Variants in TMEM237 observed in about 807,000 individuals in gnomAD.
TMEM237 encodes the protein amyotrophic lateral sclerosis 2 (juvenile) chromosome region, candidate 4.
In TMEM237, 51 loss-of-function variants were observed where a neutral mutation model predicts 59.1. The ratio of observed to expected loss-of-function variants is 0.86; its 90% CI spans 0.69 to 1.09. The LOEUF is 1.09. Ranked by LOEUF, TMEM237 falls within the 50% of genes least tolerant of loss-of-function variation. The probability of loss-of-function intolerance (pLI) is 0.00; values close to 1 mark genes in which losing one functional copy is unlikely to be tolerated. For missense variants in TMEM237, 475 were observed against 478.3 expected (o/e 0.99, Z 0.06); for synonymous variants, 140 against 166.1 (o/e 0.84, Z 1.21).
intron 9 of TMEM237, 35 bp from the exon 10 acceptor site, chr2:201,628,184 T>C (rs373819713): frequency 2.7e-6 from 4 of 1,457,454 alleles, no homozygotes; most frequent in Admixed American, 3.8e-5. Context: ...CACAGCGCAG[T>C]TGTAAACTTA....
At position 201,632,207 on chromosome 2, in the gene TMEM237, T is replaced by C; in HGVS notation, c.397A>G (p.Lys133Glu). Residue 133 changes from lysine to glutamate, a missense_variant and splice_region_variant, in exon 7 of 13, where the codon AAA becomes GAA. Lys to Glu is a moderately conservative substitution (Grantham distance 56, BLOSUM62 1). Coordinates refer to ENST00000409883, the MANE Select transcript of TMEM237 (RefSeq NM_001044385.3). ...TACTGTAATTCTGCTGGCTGGGTTT[T>C]CCTGTAATAAGGACGTATGTATGAA... ...VIQKPRRKTKKTQPAELQYAN... is the reference protein window; with the variant it reads ...VIQKPRRKTKETQPAELQYAN... 1 of 1,613,740 alleles carries C rather than the reference T, an allele frequency of 6.2e-7. No homozygotes were observed. Among genetic ancestry groups the C allele is most frequent in the African/African-American group, 1.3e-5 (1 of 75,034 alleles).
intron 7 of TMEM237, among the ~76,000 whole-genome samples, chr2:201,630,111 A>T (rs1957795911): frequency 6.6e-6 from 1 of 152,142 alleles, no homozygotes; most frequent in African/African-American, 2.4e-5. Context: ...CAATTTCAGA[A>T]ATCAATTATA....
chr2:201,624,457 T>C lies in TMEM237; in HGVS notation c.1160-135A>G, dbSNP rs376799641. The C allele has an allele frequency of 7.7e-4, 371 of 481,728 alleles. 4 individuals are homozygous for C. Among genetic ancestry groups the C allele is most frequent in the African/African-American group, 6.3e-3 (320 of 50,606 alleles). 29.8% of individuals were successfully genotyped at this position (481,728 alleles called of 1,614,324 possible). A position where few individuals can be genotyped will look rare whatever the true frequency, so the allele number is the denominator to read the frequency against. ...TAATAGAAAGCCCTCAAGTAAGATTTCTTGACAGTGAAATATGATTTAAAA... is the reference window on the plus strand; with the variant it reads ...TAATAGAAAGCCCTCAAGTAAGATTCCTTGACAGTGAAATATGATTTAAAA... On this transcript the variant is annotated intron_variant, in intron 12 of 12. Transcript: ENST00000409883.
At chr2:201,628,661 A>C (rs540631641) in intron 9 of TMEM237, among the ~76,000 whole-genome samples, 4 of 152,326 alleles carry the variant, frequency 2.6e-5, no homozygotes, top group African/African-American at 7.2e-5. Flanking sequence ...ATACAGAGAT[A>C]CACAGGGGGA....
chr2:201,625,376 A>T (rs1357223724), intron 12 of TMEM237, among the ~76,000 whole-genome samples: 2 of 147,948 alleles, frequency 1.4e-5, no homozygotes, highest in African/African-American at 4.9e-5. Flanking sequence ...AATAAAAAAT[A>T]AAAAAAAAAA....
chr2:201,632,007 C>A, intron 7 of TMEM237, 44 bp downstream of exon 7: 1 of 1,598,804 alleles, frequency 6.3e-7, no homozygotes, highest in South Asian at 1.1e-5. Flanking sequence ...TATCCTTGGA[C>A]AATTTTTAAA....
intron 8 of TMEM237, 145 bp from the exon 9 acceptor site, chr2:201,629,566 G>A: frequency 7.9e-7 from 1 of 1,264,496 alleles, no homozygotes; most frequent in Non-Finnish European, 1.1e-6. Flanking sequence ...TACACTGATA[G>A]GTAGATCACT....
At chr2:201,640,753 A>G in intron 2 of TMEM237, 140 bp downstream of exon 2, 3 of 681,230 alleles carry the variant, frequency 4.4e-6, no homozygotes, top group South Asian at 2.8e-5. Flanking sequence ...TTTCACCTTT[A>G]AAATTTCAGA....
At chr2:201,625,652 T>G (rs1426921116) in intron 12 of TMEM237, among the ~76,000 whole-genome samples, 2 of 152,204 alleles carry the variant, frequency 1.3e-5, no homozygotes, top group Non-Finnish European at 2.9e-5. Context: ...CTTGAGTATG[T>G]GTCCGACAGA....
Position 201,635,548 on chromosome 2 carries a change from G to A in TMEM237, c.274+1200C>T, listed in dbSNP as rs1310002882. Among the ~76,000 whole-genome samples the A allele has an allele frequency of 6.6e-6, 1 of 152,216 alleles. No homozygotes were observed. The highest frequency in any genetic ancestry group is 1.5e-5 in the Non-Finnish European group (1 of 68,040). ...AGGCCGAGGTGGGCGGATCACCTGA[G>A]GTCAGGAGTTCAAGACAAGCCTGGC... On this transcript the variant is annotated intron_variant, in intron 5 of 12. Coordinates refer to ENST00000409883, the MANE Select transcript of TMEM237 (RefSeq NM_001044385.3). This position sits in a 1 kb window ranked among gnomAD's most constrained non-coding sequence, Gnocchi z 4.5.
chr2:201,633,380 C>T lies in TMEM237; in HGVS notation c.326G>A (p.Arg109Gln), dbSNP rs777709042. 2.6e-5 allele frequency: 41 copies of T among 1,586,118 alleles called. No individual in the cohort carries two copies. Among genetic ancestry groups the T allele is most frequent in the South Asian group, 1.0e-4 (9 of 86,390 alleles). ...QKKSSSSSLLRNENGIDAEPA... is the reference protein window; with the variant it reads ...QKKSSSSSLLQNENGIDAEPA... ...CTCCGCATCAATACCATTTTCATTT[C>T]GTAATAAAGATGAACTAGATGACTT... Residue 109 changes from arginine (R) to glutamine (Q), a missense_variant, in exon 6 of 13, where the codon CGA (arginine) becomes CAA (glutamine). Physicochemically the swap from Arg to Gln is conservative, Grantham distance 43. Transcript: ENST00000409883.
At chr2:201,642,649 G>A (rs755021120) in intron 1 of TMEM237, 4 of 1,607,768 alleles carry the variant, frequency 2.5e-6, no homozygotes, top group Admixed American at 1.7e-5. Flanking sequence ...CGGCCTCGGC[G>A]GCCGCCGGCC....
rs1241686593 is a variant in TMEM237 at position 201,631,916 on chromosome 2, CATG to C, written c.553+132_553+134del. 1.9e-5 allele frequency: 17 copies of C among 876,144 alleles called. No individual in the cohort carries two copies. The East Asian group carries it at 3.5e-4, about 18-fold the overall frequency. 54.3% of individuals were successfully genotyped at this position (876,144 alleles called of 1,614,324 possible). A position where few individuals can be genotyped will look rare whatever the true frequency, so the allele number is the denominator to read the frequency against. ...AGTTTTTCACTCTCATGAATCATAG[CATG>C]ATGACCAGTTTTGTGTATAAATTGT... On this transcript the variant is annotated intron_variant, in intron 7 of 12. Transcript: ENST00000409883.
At position 201,640,246 on chromosome 2, in the gene TMEM237, A is replaced by G. The variant is rs182250754; in HGVS notation, c.79+15T>C. 79 of 1,552,624 alleles carry G rather than the reference A, an allele frequency of 5.1e-5. 1 individual carries two copies. The highest frequency in any genetic ancestry group is 6.3e-5 in the Non-Finnish European group (73 of 1,159,752). ...TTTGAACACCAAATATTATATTTAC[A>G]TTAAACTAACTCACCTTGACTAACA... On this transcript the variant is annotated intron_variant, in intron 3 of 12. Transcript: ENST00000409883.
chr2:201,640,198 C>T, intron 3 of TMEM237, 63 bp downstream of exon 3: 2 of 1,392,114 alleles, frequency 1.4e-6, no homozygotes, highest in Admixed American at 2.4e-5. Flanking sequence ...TTAAGAGAAA[C>T]AAACCAAGGA....
Position 201,628,124 on chromosome 2 carries a change from C to A in TMEM237, c.895G>T (p.Ala299Ser). 1 of 1,606,728 alleles carries A rather than the reference C, an allele frequency of 6.2e-7. No individual in the cohort carries two copies. Reference protein sequence around the residue: ...DRIDFAKISVAIRNFLALDPT... With the variant: ...DRIDFAKISVSIRNFLALDPT... ...TCCAGGGCCAAAAAATTTCGGATTG[C>A]TACTGATATTTTAGCAAAGTCAATC... Residue 299 changes from alanine (A) to serine (S), a missense_variant, in exon 10 of 13, where the codon GCA (alanine) becomes TCA (serine). Coordinates refer to ENST00000409883, the MANE Select transcript of TMEM237 (RefSeq NM_001044385.3).
chr2:201,624,175 G>T lies in TMEM237; in HGVS notation c.*80C>A. ...CAAAAAATCTATTACAAATACACAT[G>T]TATACATCTTATAAAAATACATTTA... On this transcript the variant is annotated 3_prime_UTR_variant, in exon 13 of 13. Coordinates refer to ENST00000409883, the MANE Select transcript of TMEM237 (RefSeq NM_001044385.3). 2 of 1,010,222 alleles carry T rather than the reference G, an allele frequency of 2.0e-6. No homozygotes were observed. The highest frequency in any genetic ancestry group is 3.1e-6 in the Non-Finnish European group (2 of 653,720). The allele number at this position is 1,010,222 out of a possible 1,614,324, so 62.6% of individuals were successfully genotyped here.
chr2:201,643,224 C>T lies in TMEM237; in HGVS notation c.42+135G>A. On this transcript the variant is annotated intron_variant, in intron 1 of 12. Coordinates refer to ENST00000409883, the MANE Select transcript of TMEM237 (RefSeq NM_001044385.3). This position sits in a 1 kb window ranked among gnomAD's most constrained non-coding sequence, Gnocchi z 4.3. The stretch of plus-strand genomic sequence containing the variant: ...CCTGTGAACACTGGAGGGGCGGATG[C>T]GCGCACCCCACGAGCAAGGCCCTCC... 4.0e-6 allele frequency: 4 copies of T among 997,650 alleles called. No homozygotes were observed. Among genetic ancestry groups the T allele is most frequent in the East Asian group, 3.2e-5 (1 of 31,312 alleles). The allele number at this position is 997,650 out of a possible 1,614,324, so 61.8% of individuals were successfully genotyped here.
In TMEM237 at chr2:201,628,131, T is replaced by C. The variant is rs763505591; in HGVS notation, c.888A>G (p.Ile296Met). 34 of 1,605,570 alleles carry C rather than the reference T, an allele frequency of 2.1e-5. No individual in the cohort carries two copies. The highest frequency in any genetic ancestry group is 2.2e-5 in the East Asian group (1 of 44,688). The change falls in exon 10 of 13, where the codon ATA becomes ATG. Residue 296 changes from isoleucine to methionine, a missense_variant. Physicochemically the swap from Ile to Met is conservative, Grantham distance 10. Transcript: ENST00000409883. ...CCAAAAAATTTCGGATTGCTACTGA[T>C]ATTTTAGCAAAGTCAATCCTAGAAA... is the stretch of plus-strand genomic sequence containing the variant. Reference protein sequence around the residue: ...SAFDRIDFAKISVAIRNFLAL... With the variant: ...SAFDRIDFAKMSVAIRNFLAL...
Sources: allele counts gnomAD v4.1 joint callset (sites outside exome capture counted in the v4.1 genomes callset), GRCh38; gene constraint gnomAD v4.1.1; non-coding constraint Gnocchi (gnomAD v3.1); transcripts MANE v1.5; gene names NCBI Gene and HGNC (gene_info 2026-07-23, HGNC 2026-07-21).